The following TAF4B variants were observed in gnomAD, a reference collection of about 807,000 sequenced individuals.
The protein encoded by TAF4B is TATA-box binding protein associated factor 4b.
A neutral mutation model predicts 86.4 loss-of-function variants in TAF4B; 38 were observed. The observed-to-expected ratio is 0.44, with a 90% CI of 0.34 to 0.58. The LOEUF (loss-of-function observed/expected upper bound fraction) is 0.58. TAF4B is among the 20% of genes least tolerant of loss of function. The probability of loss-of-function intolerance (pLI) is 0.02; values close to 1 mark genes in which losing one functional copy is unlikely to be tolerated. For synonymous variants in TAF4B, 388 were observed against 391.2 expected (o/e 0.99, Z 0.10); for missense variants, 988 against 1,027.6 (o/e 0.96, Z 0.53).
intron 13 of TAF4B, chr18:26,348,889 T>C (rs1239141998): frequency 1.3e-5 from 2 of 152,542 alleles, no homozygotes; most frequent in Non-Finnish European, 2.9e-5. Context: ...GTTTGGTAAA[T>C]CCTTAATCAT....
chr18:26,278,709 C>G (rs1040425328), intron 5 of TAF4B, among the ~76,000 whole-genome samples: 1 of 151,806 alleles, frequency 6.6e-6, no homozygotes, highest in Admixed American at 6.6e-5. Context: ...GTAGTTTTAC[C>G]CATTGTTGCC....
In TAF4B at chr18:26,285,222, G is replaced by GTTTTTTTTTTT. The variant is rs776976703; in HGVS notation, c.973-656_973-646dup. ...ATTTCTTCCTTTCCTTTTTTTTTTT[G>GTTTTTTTTTTT]TTTTTTTTTTTTTTGGAGATGGGGT... is the stretch of plus-strand genomic sequence containing the variant. On this transcript the variant is annotated intron_variant, in intron 6 of 14. Coordinates refer to ENST00000269142, the MANE Select transcript of TAF4B (RefSeq NM_005640.3). Among the ~76,000 whole-genome samples, 217 of 45,480 alleles carry GTTTTTTTTTTT rather than the reference G, an allele frequency of 4.8e-3. 6 individuals carry two copies. The highest frequency in any genetic ancestry group is 5.4e-3 in the South Asian group (4 of 734). The allele number at this position is 45,480 out of a possible 152,430, so 29.8% of individuals were successfully genotyped here.
At chr18:26,324,105 C>A (rs1384822737) in intron 11 of TAF4B, among the ~76,000 whole-genome samples, 1 of 152,136 alleles carries the variant, frequency 6.6e-6, no homozygotes, top group Non-Finnish European at 1.5e-5. Context: ...AATTAACATC[C>A]TAAATCTACA....
chr18:26,346,857 ATGTGTATATATATATATGTG>A (rs1567914055), intron 13 of TAF4B, among the ~76,000 whole-genome samples: 114 of 9,800 alleles, frequency 0.012, 10 homozygotes, highest in African/African-American at 0.02. Context: ...ATATATATAT[ATGTGTATATATATATATGTG>A]TATATATATA....
chr18:26,256,655 T>G (rs1208714051), intron 1 of TAF4B, among the ~76,000 whole-genome samples: 2 of 152,144 alleles, frequency 1.3e-5, no homozygotes, highest in African/African-American at 2.4e-5. Context: ...AGCTGTACAT[T>G]TTTCTCTGAA....
At chr18:26,366,554 A>G (rs183660908) in intron 14 of TAF4B, 1 of 152,344 alleles carries the variant, frequency 6.6e-6, no homozygotes, top group East Asian at 1.9e-4. Context: ...ATAAGATAGT[A>G]CTGCTTAAAG....
chr18:26,339,419 G>C (rs2057119187), intron 13 of TAF4B, among the ~76,000 whole-genome samples: 2 of 152,118 alleles, frequency 1.3e-5, no homozygotes, highest in Admixed American at 6.5e-5. Context: ...TTGACCTCCT[G>C]GGCTCAAGCG....
chr18:26,302,207 CT>C (rs1181913288), intron 9 of TAF4B, among the ~76,000 whole-genome samples: 3 of 151,770 alleles, frequency 2.0e-5, no homozygotes, highest in African/African-American at 7.3e-5. Context: ...AATTTACTTT[CT>C]TTTATGGTAT....
At chr18:26,268,158 G>A (rs527371205) in intron 3 of TAF4B, among the ~76,000 whole-genome samples, 1 of 152,284 alleles carries the variant, frequency 6.6e-6, no homozygotes, top group Non-Finnish European at 1.5e-5. Flanking sequence ...GCTGAGGGAA[G>A]CCTGATGGAA....
At chr18:26,237,209 A>C (rs1490459793) in intron 1 of TAF4B, among the ~76,000 whole-genome samples, 2 of 152,190 alleles carry the variant, frequency 1.3e-5, no homozygotes, top group Admixed American at 1.3e-4. Flanking sequence ...CTTGACTAAG[A>C]GACCAGGTAT....
intron 14 of TAF4B, among the ~76,000 whole-genome samples, chr18:26,373,018 A>C (rs2057417216): frequency 6.6e-6 from 1 of 151,834 alleles, no homozygotes; most frequent in African/African-American, 2.4e-5. Context: ...CTTGCATACC[A>C]GAAGGTGAGC....
intron 5 of TAF4B, among the ~76,000 whole-genome samples, chr18:26,279,424 T>C (rs1357604309): frequency 6.6e-6 from 1 of 152,084 alleles, no homozygotes; most frequent in African/African-American, 2.4e-5. Flanking sequence ...CCCAAAGCAA[T>C]TGACAGATTC....
chr18:26,259,309 A>C (rs139785312), intron 1 of TAF4B, among the ~76,000 whole-genome samples: 6,629 of 149,934 alleles, frequency 0.044, 203 homozygotes, highest in Non-Finnish European at 0.061. Context: ...TTATACTTTA[A>C]GTTCTAGGGT....
At chr18:26,260,794 A>G (rs966649255) in intron 1 of TAF4B, among the ~76,000 whole-genome samples, 4 of 152,200 alleles carry the variant, frequency 2.6e-5, no homozygotes, top group African/African-American at 7.2e-5. Flanking sequence ...TAAAAATAAT[A>G]TCTATCTCTA....
chr18:26,243,526 A>T (rs996832295), intron 1 of TAF4B, among the ~76,000 whole-genome samples: 1 of 152,118 alleles, frequency 6.6e-6, no homozygotes, highest in Non-Finnish European at 1.5e-5. Flanking sequence ...GGGTTCAAAC[A>T]TCCTCCTTTA....
In TAF4B at chr18:26,247,869, C is replaced by T. The variant is rs946387989; in HGVS notation, c.344-17301C>T. ...CCAGCCTGGGCAACAGAACAAGACT[C>T]TGTCTCAAAAAAAAGTAAAAAAAAT... is the stretch of plus-strand genomic sequence containing the variant. On this transcript the variant is annotated intron_variant, in intron 1 of 14. Coordinates refer to ENST00000269142, the MANE Select transcript of TAF4B (RefSeq NM_005640.3). Among the ~76,000 whole-genome samples the T allele has an allele frequency of 2.5e-4, 38 of 151,470 alleles. 1 individual carries two copies. Among genetic ancestry groups the T allele is most frequent in the African/African-American group, 9.0e-4 (37 of 41,032 alleles).
chr18:26,309,773 G>T (rs2056835284), intron 9 of TAF4B, among the ~76,000 whole-genome samples: 1 of 152,058 alleles, frequency 6.6e-6, no homozygotes, highest in African/African-American at 2.4e-5. Context: ...CAGATAAGGG[G>T]ATCAATGAAT....
At position 26,286,280 on chromosome 18, in the gene TAF4B, C is replaced by T; in HGVS notation, c.1371C>T (p.Val457=). 1 of 1,614,232 alleles carries T rather than the reference C, an allele frequency of 6.2e-7. No individual in the cohort carries two copies. Among genetic ancestry groups the T allele is most frequent in the Non-Finnish European group, 8.5e-7 (1 of 1,180,046 alleles). ...CACTGCAACCTGAAAAGCCAGTTGTCTCTGGAACAGCAGTAACACTGTCCC... is the reference window on the plus strand; with the variant it reads ...CACTGCAACCTGAAAAGCCAGTTGTTTCTGGAACAGCAGTAACACTGTCCC... ...TVSLQPEKPV[V]SGTAVTLSLP... Residue 457 remains valine, a synonymous_variant, in exon 7 of 15, where the codon GTC becomes GTT. Transcript: ENST00000269142.
intron 5 of TAF4B, among the ~76,000 whole-genome samples, chr18:26,281,756 C>CA (rs1313435684): frequency 2.7e-4 from 41 of 151,804 alleles, no homozygotes; most frequent in Non-Finnish European, 4.6e-4. Context: ...ATCTTTAAAA[C>CA]AAAAAAAATC....
Sources: gnomAD v4.1 joint callset for allele counts (sites outside exome capture counted in the v4.1 genomes callset) on GRCh38, gnomAD v4.1.1 for gene constraint, MANE v1.5 for transcripts, NCBI Gene and HGNC (gene_info 2026-07-23, HGNC 2026-07-21) for gene names.